The following IQSEC3 variants were observed in gnomAD, a reference collection of about 807,000 sequenced individuals.
The protein encoded by IQSEC3 is IQ motif and Sec7 domain ArfGEF 3, also known as IQ motif and SEC7 domain-containing protein 3.
In IQSEC3, 50 loss-of-function variants were observed where a neutral mutation model predicts 105.4. That is an observed-to-expected ratio of 0.47 (90% CI 0.38 to 0.60). The LOEUF (loss-of-function observed/expected upper bound fraction) is 0.60. Among genes scored for constraint, IQSEC3 ranks in the 20% least tolerant of loss-of-function variants. The pLI is 0.00. For missense variants in IQSEC3, 1,415 were observed against 1,630.0 expected, an observed-to-expected ratio of 0.87 and a Z score of 2.27; for synonymous variants, 708 against 746.0, an observed-to-expected ratio of 0.95 and a Z score of 0.83.
At chr12:82,815 C>T (rs1444524162) in intron 1 of IQSEC3, among the ~76,000 whole-genome samples, 1 of 152,184 alleles carries the variant, frequency 6.6e-6, no homozygotes, top group African/African-American at 2.4e-5. Context: ...GGCAGTGCTC[C>T]TAGCCTCTAC....
chr12:122,236 G>A (rs1048522782), intron 2 of IQSEC3, among the ~76,000 whole-genome samples: 18 of 152,196 alleles, frequency 1.2e-4, no homozygotes, highest in African/African-American at 4.3e-4. Context: ...AGTGGGCCTT[G>A]ATAGGCCGGC....
intron 2 of IQSEC3, among the ~76,000 whole-genome samples, chr12:104,728 C>A (rs1555077427): frequency 6.6e-6 from 1 of 152,240 alleles, no homozygotes; most frequent in African/African-American, 2.4e-5. Flanking sequence ...GCCGAGGCCG[C>A]CACGCGGGGT....
At chr12:86,835 T>C (rs191639386) in intron 1 of IQSEC3, among the ~76,000 whole-genome samples, 33 of 152,158 alleles carry the variant, frequency 2.2e-4, no homozygotes, top group South Asian at 4.2e-4. Flanking sequence ...GATCAGATAA[T>C]CTGCCTGTGA....
Position 67,202 on chromosome 12 carries a change from C to T in IQSEC3, c.320C>T (p.Pro107Leu). The T allele has an allele frequency of 6.4e-7, 1 of 1,552,496 alleles. No individual in the cohort carries two copies. Among genetic ancestry groups the T allele is most frequent in the Non-Finnish European group, 8.6e-7 (1 of 1,157,466 alleles). Reference protein sequence around the residue: ...QGQRSAAAPHPAPDRPPRQHH... With the variant: ...QGQRSAAAPHLAPDRPPRQHH... ...CAGCGCTCAGCAGCCGCGCCGCATC[C>T]CGCGCCCGATCGGCCGCCGCGTCAG... The change falls in exon 1 of 14, where the codon CCC (proline) becomes CTC (leucine). Residue 107 changes from proline (P) to leucine (L), a missense_variant. Pro to Leu is a moderately conservative substitution (Grantham distance 98). Transcript: ENST00000538872.
intron 8 of IQSEC3, 99 bp downstream of exon 8, chr12:162,164 C>A: frequency 7.6e-7 from 1 of 1,322,922 alleles, no homozygotes; most frequent in South Asian, 1.4e-5. Flanking sequence ...ACTCTTTTTT[C>A]ATATTCATTC....
chr12:145,017 GC>G (rs1369499809), intron 5 of IQSEC3, among the ~76,000 whole-genome samples: 2 of 152,204 alleles, frequency 1.3e-5, no homozygotes, highest in African/African-American at 4.8e-5. Flanking sequence ...TATTTTTGTA[GC>G]GATGGGGGTC....
intron 3 of IQSEC3, among the ~76,000 whole-genome samples, chr12:133,908 T>C (rs1865674912): frequency 6.6e-6 from 1 of 152,030 alleles, no homozygotes; most frequent in Non-Finnish European, 1.5e-5. Context: ...TATCTGGCAT[T>C]TGCTCCTGGA....
chr12:83,109 A>G (rs1368091458), intron 1 of IQSEC3, among the ~76,000 whole-genome samples: 1 of 152,220 alleles, frequency 6.6e-6, no homozygotes, highest in Admixed American at 6.5e-5. Context: ...GGCTGAGGCT[A>G]GGGAAAAAAT....
chr12:161,821 C>G, intron 7 of IQSEC3, 105 bp from the exon 8 acceptor site: 1 of 1,200,662 alleles, frequency 8.3e-7, no homozygotes, highest in Non-Finnish European at 1.2e-6. Context: ...CAAGGCCACC[C>G]CCCGGGAGCT....
chr12:132,353 T>C (rs974666019), intron 3 of IQSEC3, among the ~76,000 whole-genome samples: 3 of 152,148 alleles, frequency 2.0e-5, no homozygotes, highest in Middle Eastern at 3.4e-3. Context: ...AGCCAGATTG[T>C]TAGGGTTGGA....
At chr12:120,453 G>C (rs959250409) in intron 2 of IQSEC3, among the ~76,000 whole-genome samples, 4 of 152,154 alleles carry the variant, frequency 2.6e-5, no homozygotes, top group Non-Finnish European at 5.9e-5. Flanking sequence ...CAGTATTGTG[G>C]AGTCACTGAC....
In IQSEC3 at chr12:175,342, C is replaced by T. The variant is rs1003293204; in HGVS notation, c.*309C>T. 9 of 352,272 alleles carry T rather than the reference C, an allele frequency of 2.6e-5. No individual in the cohort carries two copies. The highest frequency in any genetic ancestry group is 9.1e-5 in the East Asian group (2 of 22,070). The allele number at this position is 352,272 out of a possible 1,614,324, so 21.8% of individuals were successfully genotyped here. A position where few individuals can be genotyped will look rare whatever the true frequency, so the allele number is the denominator to read the frequency against. On this transcript the variant is annotated 3_prime_UTR_variant, in exon 14 of 14. Transcript: ENST00000538872. The stretch of plus-strand genomic sequence containing the variant: ...CCATTGGACCATGGACTGAAGAAAA[C>T]GAGCTGAGGGTCTAACGAGCTTGCA...
chr12:101,981 C>T (rs112389120), intron 2 of IQSEC3, among the ~76,000 whole-genome samples: 4,340 of 152,240 alleles, frequency 0.029, 85 homozygotes, highest in African/African-American at 0.049. Flanking sequence ...GAATGTGTCA[C>T]AGTCAGAGGC....
intron 5 of IQSEC3, among the ~76,000 whole-genome samples, chr12:150,671 C>A (rs536488950): frequency 6.6e-6 from 1 of 152,298 alleles, no homozygotes; most frequent in South Asian, 2.1e-4. Flanking sequence ...CACATAGCAA[C>A]CAGCAATGGC....
chr12:75,355 G>A (rs182450929), intron 1 of IQSEC3, among the ~76,000 whole-genome samples: 10 of 152,278 alleles, frequency 6.6e-5, no homozygotes, highest in Admixed American at 2.0e-4. Flanking sequence ...AATTGGAATT[G>A]CCTTGTTTGG....
In IQSEC3 at chr12:139,046, G is replaced by A; in HGVS notation, c.1683G>A (p.Gly561=). 1 of 1,485,080 alleles carries A rather than the reference G, an allele frequency of 6.7e-7. No homozygotes were observed. Among genetic ancestry groups the A allele is most frequent in the Non-Finnish European group, 9.0e-7 (1 of 1,116,976 alleles). 92.0% of individuals were successfully genotyped at this position (1,485,080 alleles called of 1,614,324 possible). A position where few individuals can be genotyped will look rare whatever the true frequency, so the allele number is the denominator to read the frequency against. ...CATGCGCAGAGGCTGCGGCTAGTGGGGCGGCGGATGGGGCCACAGCCCCCA... is the reference window on the plus strand; with the variant it reads ...CATGCGCAGAGGCTGCGGCTAGTGGAGCGGCGGATGGGGCCACAGCCCCCA... ...EDSCAEAAAS[G]AADGATAPKT... is the part of the protein sequence containing the mutation. The change falls in exon 4 of 14, where the codon GGG becomes GGA. Residue 561 remains glycine, a synonymous_variant. Coordinates refer to ENST00000538872, the MANE Select transcript of IQSEC3 (RefSeq NM_001170738.2).
At chr12:159,765 A>C (rs973301339) in intron 7 of IQSEC3, among the ~76,000 whole-genome samples, 1 of 152,166 alleles carries the variant, frequency 6.6e-6, no homozygotes, top group African/African-American at 2.4e-5. Context: ...CTAGAAACTC[A>C]TGTCCTCCGG....
chr12:98,781 A>G (rs1440737243), intron 1 of IQSEC3, among the ~76,000 whole-genome samples: 1 of 152,252 alleles, frequency 6.6e-6, no homozygotes, highest in Non-Finnish European at 1.5e-5. Flanking sequence ...ATCGTGGAGA[A>G]CAGGGTCATA....
intron 1 of IQSEC3, among the ~76,000 whole-genome samples, chr12:77,985 C>T (rs1441210336): frequency 1.3e-5 from 2 of 151,778 alleles, no homozygotes; most frequent in Admixed American, 6.6e-5. Context: ...CACTTCCTCG[C>T]GGGGGCGGCG....
Sources: allele counts gnomAD v4.1 joint callset (sites outside exome capture counted in the v4.1 genomes callset), GRCh38; gene constraint gnomAD v4.1.1; transcripts MANE v1.5; gene names NCBI Gene and HGNC (gene_info 2026-07-23, HGNC 2026-07-21).